The following ETS1 variants were observed in gnomAD, a reference collection of about 807,000 sequenced individuals.
The protein encoded by ETS1 is protein C-ets-1.
Under a neutral mutation model 58.6 loss-of-function variants are expected in ETS1, and 15 were observed. The observed-to-expected ratio is 0.26, with a 90% CI of 0.17 to 0.39. The LOEUF (loss-of-function observed/expected upper bound fraction) is 0.39, where lower values mean the gene tolerates loss of function less well. Among genes scored for constraint, ETS1 ranks in the 10% least tolerant of loss-of-function variants. ETS1 has a pLI of 1.00. For missense variants in ETS1, 417 were observed against 610.5 expected, an observed-to-expected ratio of 0.68 and a Z score of 3.34; for synonymous variants, 214 against 218.2, an observed-to-expected ratio of 0.98 and a Z score of 0.17.
At chr11:128,552,133 G>A (rs912208189) in intron 3 of ETS1, among the ~76,000 whole-genome samples, 13 of 152,098 alleles carry the variant, frequency 8.5e-5, no homozygotes, top group Admixed American at 3.3e-4. Flanking sequence ...CATGCTTGGA[G>A]AATCATTGGT....
intron 3 of ETS1, chr11:128,522,347 T>G: frequency 9.9e-7 from 1 of 1,013,526 alleles, no homozygotes; most frequent in Non-Finnish European, 1.2e-6. Flanking sequence ...TCCCGCGCTC[T>G]CCCCTCCTCT....
At chr11:128,575,446 T>C (rs1481397857) in intron 1 of ETS1, among the ~76,000 whole-genome samples, 3 of 152,226 alleles carry the variant, frequency 2.0e-5, no homozygotes, top group South Asian at 4.1e-4. Flanking sequence ...CCAACAATCA[T>C]GTAATAGGCG....
chr11:128,515,817 C>G (rs1009446071), intron 3 of ETS1, among the ~76,000 whole-genome samples: 1 of 152,158 alleles, frequency 6.6e-6, no homozygotes, highest in African/African-American at 2.4e-5. Context: ...TTCCACAACT[C>G]TTAGAGACAG....
intron 3 of ETS1, among the ~76,000 whole-genome samples, chr11:128,501,183 T>C (rs1863080128): frequency 6.6e-6 from 1 of 152,178 alleles, no homozygotes; most frequent in African/African-American, 2.4e-5. Flanking sequence ...GCCACTCCCC[T>C]CGCTCCACCT....
At chr11:128,586,299 T>G (rs1293257348) in intron 1 of ETS1, among the ~76,000 whole-genome samples, 1 of 152,172 alleles carries the variant, frequency 6.6e-6, no homozygotes, top group East Asian at 1.9e-4. Flanking sequence ...CAAAGCACTT[T>G]GCAGACATTA....
chr11:128,560,779 T>C (rs1049609318), intron 2 of ETS1, among the ~76,000 whole-genome samples: 1 of 152,144 alleles, frequency 6.6e-6, no homozygotes, highest in Non-Finnish European at 1.5e-5. Flanking sequence ...AAATAAACCA[T>C]GGCCTTAGGA....
chr11:128,540,950 C>T (rs1864048974), intron 3 of ETS1, among the ~76,000 whole-genome samples: 1 of 152,182 alleles, frequency 6.6e-6, no homozygotes, highest in Non-Finnish European at 1.5e-5. Flanking sequence ...CCGGAGTGGC[C>T]ACTCTTCCAA....
At chr11:128,551,030 C>T (rs1864220188) in intron 3 of ETS1, among the ~76,000 whole-genome samples, 1 of 152,158 alleles carries the variant, frequency 6.6e-6, no homozygotes, top group Admixed American at 6.5e-5. Flanking sequence ...GTTACAACAT[C>T]CCTAAAGCAC....
At chr11:128,585,243 A>AAAGG in intron 1 of ETS1, among the ~76,000 whole-genome samples, 1 of 149,370 alleles carries the variant, frequency 6.7e-6, no homozygotes, top group South Asian at 2.2e-4. Context: ...AGAAAGAAAG[A>AAAGG]AAAAGAAAGG....
chr11:128,539,684 T>C (rs992315848), intron 3 of ETS1, among the ~76,000 whole-genome samples: 1 of 152,212 alleles, frequency 6.6e-6, no homozygotes, highest in African/African-American at 2.4e-5. Context: ...TTAATGTTAA[T>C]AGCAGCCTTA....
At chr11:128,475,641 T>C (rs1414975406) in intron 8 of ETS1, among the ~76,000 whole-genome samples, 1 of 135,788 alleles carries the variant, frequency 7.4e-6, no homozygotes, top group Non-Finnish European at 1.5e-5. Context: ...AAGCTCCGCC[T>C]CCTGGGTTCA....
chr11:128,580,173 C>G (rs955473226), intron 1 of ETS1, among the ~76,000 whole-genome samples: 2 of 69,494 alleles, frequency 2.9e-5, no homozygotes, highest in Admixed American at 2.1e-4. Flanking sequence ...ATCGTTTGGA[C>G]ATTAAAAAAA....
intron 1 of ETS1, among the ~76,000 whole-genome samples, chr11:128,574,541 C>T (rs1423651904): frequency 6.6e-6 from 1 of 152,188 alleles, no homozygotes; most frequent in Non-Finnish European, 1.5e-5. Flanking sequence ...TTGTTAACAT[C>T]TGCGTCAGGG....
chr11:128,556,284 T>C lies in ETS1; in HGVS notation c.214+7A>G, dbSNP rs982816032. 27 of 1,602,286 alleles carry C rather than the reference T, an allele frequency of 1.7e-5. No individual in the cohort carries two copies. Among genetic ancestry groups the C allele is most frequent in the East Asian group, 8.9e-5 (4 of 44,812 alleles). On this transcript the variant is annotated splice_region_variant and intron_variant, in intron 3 of 9. Coordinates refer to ENST00000392668, the MANE Select transcript of ETS1 (RefSeq NM_001143820.2). ...TCCTCATTCCCAGCTTTTGTTTATG[T>C]TCCTACCTGAGACACAGTGTTCAAG...
intron 3 of ETS1, among the ~76,000 whole-genome samples, chr11:128,505,953 C>T (rs1459134654): frequency 6.6e-6 from 1 of 152,174 alleles, no homozygotes; most frequent in African/African-American, 2.4e-5. Flanking sequence ...CACAGTGGAG[C>T]CTAACCAATG....
intron 3 of ETS1, among the ~76,000 whole-genome samples, chr11:128,493,981 T>C (rs543621890): frequency 6.6e-6 from 1 of 152,332 alleles, no homozygotes; most frequent in South Asian, 2.1e-4. Context: ...TAAGCAGATA[T>C]CGCTTTACTC....
intron 5 of ETS1, among the ~76,000 whole-genome samples, 191 bp downstream of exon 5, chr11:128,489,099 G>A (rs1862721735): frequency 1.3e-5 from 2 of 152,104 alleles, no homozygotes; most frequent in Admixed American, 1.3e-4. Flanking sequence ...ATATGTAGAA[G>A]AAAAAGAAAT....
intron 3 of ETS1, among the ~76,000 whole-genome samples, chr11:128,492,432 T>C (rs963719081): frequency 6.6e-6 from 1 of 152,196 alleles, no homozygotes; most frequent in Admixed American, 6.5e-5. Context: ...GGCTGTGCCC[T>C]GGAAGAACAG....
intron 1 of ETS1, among the ~76,000 whole-genome samples, chr11:128,575,806 G>T (rs1864734273): frequency 6.6e-6 from 1 of 152,214 alleles, no homozygotes; most frequent in Admixed American, 6.5e-5. Context: ...CATCCCTAGA[G>T]TCCCACAAGT....
Sources: gnomAD v4.1 joint callset for allele counts (sites outside exome capture counted in the v4.1 genomes callset) on GRCh38, gnomAD v4.1.1 for gene constraint, MANE v1.5 for transcripts, NCBI Gene and HGNC (gene_info 2026-07-23, HGNC 2026-07-21) for gene names.